The following PARD3B variants were observed in gnomAD, a reference collection of about 807,000 sequenced individuals.
PARD3B encodes partitioning defective 3 homolog B.
In PARD3B, 103 loss-of-function variants were observed where a neutral mutation model predicts 130.2. The ratio of observed to expected loss-of-function variants is 0.79; its 90% CI spans 0.67 to 0.93. The LOEUF is 0.93. PARD3B is among the 40% of genes least tolerant of loss of function. The pLI is 0.00. For synonymous variants in PARD3B, 583 were observed against 553.2 expected (o/e 1.05, Z -0.76); for missense variants, 1,609 against 1,499.2 (o/e 1.07, Z -1.21).
chr2:205,603,629 T>G (rs931160083), intron 22 of PARD3B, among the ~76,000 whole-genome samples: 5 of 152,200 alleles, frequency 3.3e-5, no homozygotes, highest in African/African-American at 1.2e-4. Flanking sequence ...TTTTTTATCT[T>G]TCTTGGCTTA....
At chr2:205,410,034 G>A (rs1368376566) in intron 19 of PARD3B, among the ~76,000 whole-genome samples, 1 of 152,100 alleles carries the variant, frequency 6.6e-6, no homozygotes, top group African/African-American at 2.4e-5. Context: ...AGATACCAGA[G>A]CTGTACCTCA....
chr2:204,741,891 G>C (rs1429622660), intron 2 of PARD3B, among the ~76,000 whole-genome samples: 1 of 151,992 alleles, frequency 6.6e-6, no homozygotes, highest in African/African-American at 2.4e-5. Context: ...AAACCCCTGA[G>C]CTGTAACAAT....
Position 205,616,129 on chromosome 2 carries a change from T to G in PARD3B, c.*316T>G. 1 of 306,020 alleles carries G rather than the reference T, an allele frequency of 3.3e-6. No homozygotes were observed. The highest frequency in any genetic ancestry group is 6.0e-6 in the Non-Finnish European group (1 of 165,562). The allele number at this position is 306,020 out of a possible 1,614,324, so 19.0% of individuals were successfully genotyped here. A position where few individuals can be genotyped will look rare whatever the true frequency, so the allele number is the denominator to read the frequency against. On this transcript the variant is annotated 3_prime_UTR_variant, in exon 23 of 23. Coordinates refer to ENST00000406610, the MANE Select transcript of PARD3B (RefSeq NM_001302769.2). ...ACACAAACAACTAATTATGGAACTC[T>G]ACTCTGGGGATCCTCTCTGGCTAGA... is the stretch of plus-strand genomic sequence containing the variant.
intron 1 of PARD3B, among the ~76,000 whole-genome samples, chr2:204,622,422 A>G (rs2034337340): frequency 6.6e-6 from 1 of 152,174 alleles, no homozygotes; most frequent in South Asian, 2.1e-4. Flanking sequence ...GTATACAATT[A>G]CATACAACTC....
chr2:204,888,428 A>C (rs1465955722), intron 2 of PARD3B, among the ~76,000 whole-genome samples: 1 of 152,044 alleles, frequency 6.6e-6, no homozygotes, highest in Non-Finnish European at 1.5e-5. Context: ...GTTGACATCA[A>C]ATGGGACATA....
At chr2:205,220,748 C>T (rs189062726) in intron 15 of PARD3B, among the ~76,000 whole-genome samples, 19 of 152,218 alleles carry the variant, frequency 1.2e-4, no homozygotes, top group African/African-American at 1.7e-4. Flanking sequence ...GATAAGATGA[C>T]ATTTTTGGAG....
chr2:204,859,147 TTTTTC>T (rs2045081038), intron 2 of PARD3B, among the ~76,000 whole-genome samples: 3 of 152,084 alleles, frequency 2.0e-5, no homozygotes, highest in African/African-American at 7.2e-5. Context: ...AATAGCCAAT[TTTTTC>T]TTTTCTTTTT....
chr2:204,686,352 C>G (rs1488326605), intron 2 of PARD3B, 70 bp downstream of exon 2: 4 of 1,095,626 alleles, frequency 3.7e-6, no homozygotes, highest in Non-Finnish European at 5.6e-6. Flanking sequence ...AGACTGAAAT[C>G]CTTAACAAAC....
At chr2:205,468,401 C>A (rs1309909122) in intron 20 of PARD3B, among the ~76,000 whole-genome samples, 3 of 152,216 alleles carry the variant, frequency 2.0e-5, no homozygotes, top group African/African-American at 7.2e-5. Flanking sequence ...CTCAGTAAAC[C>A]AATCATCCCT....
At chr2:205,319,011 A>G (rs79719783) in intron 18 of PARD3B, among the ~76,000 whole-genome samples, 4,630 of 152,026 alleles carry the variant, frequency 0.03, 203 homozygotes, top group African/African-American at 0.1. Context: ...CCTTTGCCAC[A>G]TTTTCCCTTC....
intron 22 of PARD3B, among the ~76,000 whole-genome samples, chr2:205,581,725 A>G (rs1398745989): frequency 6.6e-6 from 1 of 152,046 alleles, no homozygotes; most frequent in Non-Finnish European, 1.5e-5. Context: ...TACCCTATAA[A>G]TAGATACATC....
intron 10 of PARD3B, among the ~76,000 whole-genome samples, chr2:205,129,624 T>C (rs2031803696): frequency 6.6e-6 from 1 of 152,208 alleles, no homozygotes; most frequent in African/African-American, 2.4e-5. Context: ...TTTATTGGTT[T>C]CCTCTTCTAA....
At chr2:204,874,224 T>G (rs1027268466) in intron 2 of PARD3B, among the ~76,000 whole-genome samples, 5 of 152,166 alleles carry the variant, frequency 3.3e-5, no homozygotes, top group African/African-American at 1.2e-4. Flanking sequence ...TTAGGAACAA[T>G]GAATGGCCCC....
At chr2:205,052,219 T>C (rs1699237784) in intron 4 of PARD3B, among the ~76,000 whole-genome samples, 1 of 151,840 alleles carries the variant, frequency 6.6e-6, no homozygotes, top group Non-Finnish European at 1.5e-5. Flanking sequence ...TTAATGACTG[T>C]TTATGGTTTT....
intron 15 of PARD3B, among the ~76,000 whole-genome samples, chr2:205,232,893 A>G (rs1467487381): frequency 7.2e-5 from 11 of 152,224 alleles, no homozygotes; most frequent in Non-Finnish European, 1.6e-4. Context: ...TTGTGGGGCA[A>G]CTTCAGGTGG....
At chr2:204,853,082 T>C (rs888863664) in intron 2 of PARD3B, among the ~76,000 whole-genome samples, 2 of 152,198 alleles carry the variant, frequency 1.3e-5, no homozygotes, top group Admixed American at 6.5e-5. Flanking sequence ...TTCATTGGCA[T>C]TATTTTTAAT....
chr2:204,618,118 C>T (rs527911699), intron 1 of PARD3B, among the ~76,000 whole-genome samples: 8 of 152,188 alleles, frequency 5.3e-5, no homozygotes, highest in Non-Finnish European at 1.0e-4. Context: ...GTGGAGAGAA[C>T]GTTTTCTTGT....
chr2:205,555,419 T>G (rs185479928), intron 22 of PARD3B, among the ~76,000 whole-genome samples: 14 of 152,336 alleles, frequency 9.2e-5, no homozygotes, highest in Admixed American at 6.5e-4. Context: ...CAACCAATGC[T>G]TCTGTTTGTA....
chr2:205,108,034 C>G (rs905661309), intron 5 of PARD3B, among the ~76,000 whole-genome samples: 2 of 152,134 alleles, frequency 1.3e-5, no homozygotes, highest in African/African-American at 4.8e-5. Flanking sequence ...AACGCCAGCG[C>G]ATTTTAGCCT....
Sources: allele counts gnomAD v4.1 joint callset (sites outside exome capture counted in the v4.1 genomes callset), GRCh38; gene constraint gnomAD v4.1.1; transcripts MANE v1.5; gene names NCBI Gene and HGNC (gene_info 2026-07-23, HGNC 2026-07-21).